Variants in C7orf57 observed in about 807,000 individuals in gnomAD.
C7orf57 encodes chromosome 7 open reading frame 57, also known as uncharacterized protein C7orf57.
A neutral mutation model predicts 39.0 loss-of-function variants in C7orf57; 33 were observed. The ratio of observed to expected loss-of-function variants is 0.85; its 90% CI spans 0.64 to 1.13. The LOEUF is 1.13. Among genes scored for constraint, C7orf57 ranks in the 50% most tolerant of loss-of-function variants. The probability of loss-of-function intolerance (pLI) is 0.00; values close to 1 mark genes in which losing one functional copy is unlikely to be tolerated. For missense variants in C7orf57, 346 were observed against 362.3 expected (o/e 0.95, Z 0.37); for synonymous variants, 124 against 137.1 (o/e 0.90, Z 0.67).
intron 5 of C7orf57, among the ~76,000 whole-genome samples, chr7:48,049,500 T>G (rs1790812310): frequency 6.6e-6 from 1 of 152,176 alleles, no homozygotes; most frequent in African/African-American, 2.4e-5. Flanking sequence ...TATCCATTCG[T>G]TTGTTGGTGG....
At chr7:48,036,183 G>A (rs1790351194) in intron 1 of C7orf57, 25 bp from the exon 2 acceptor site, 1 of 963,316 alleles carries the variant, frequency 1.0e-6, no homozygotes, top group Non-Finnish European at 1.6e-6. Context: ...GACCCAGAGC[G>A]GGCGCGCGGA....
At chr7:48,040,940 TG>T (rs1790529665) in intron 2 of C7orf57, among the ~76,000 whole-genome samples, 1 of 152,228 alleles carries the variant, frequency 6.6e-6, no homozygotes, top group South Asian at 2.1e-4. Context: ...TTAAGTGATT[TG>T]GGATTTTTCA....
Position 48,053,108 on chromosome 7 carries a change from T to C in C7orf57, c.829+185T>C. 8.6e-6 allele frequency: 6 copies of C among 698,436 alleles called. 1 individual carries two copies. The South Asian group carries it at 9.0e-5, about 11-fold the overall frequency. 43.3% of individuals were successfully genotyped at this position (698,436 alleles called of 1,614,324 possible). ...GAGTAATACATGTTTTGCTCTTTCCTCTTTATTCAAATGAATAGCGGAAGT... is the reference window on the plus strand; with the variant it reads ...GAGTAATACATGTTTTGCTCTTTCCCCTTTATTCAAATGAATAGCGGAAGT... On this transcript the variant is annotated intron_variant, in intron 7 of 8. Transcript: ENST00000348904.
intron 3 of C7orf57, among the ~76,000 whole-genome samples, chr7:48,041,987 G>A (rs910893373): frequency 1.3e-5 from 2 of 152,188 alleles, no homozygotes; most frequent in African/African-American, 4.8e-5. Context: ...ATACTGACGA[G>A]GACCAAATTT....
intron 6 of C7orf57, 141 bp downstream of exon 6, chr7:48,050,118 G>T (rs1287955246): frequency 3.1e-6 from 2 of 649,018 alleles, no homozygotes; most frequent in Non-Finnish European, 5.6e-6. Context: ...GGCTGTGCCT[G>T]TCGCCTCCTC....
In C7orf57 at chr7:48,041,518, C is replaced by G. The variant is rs1352141392; in HGVS notation, c.240C>G (p.Pro80=). The change falls in exon 3 of 9, where the codon CCC becomes CCG. Residue 80 remains proline, a splice_region_variant and synonymous_variant. Transcript: ENST00000348904. ...YVKLAKQGGR[P]DLLKHFAPGT... The stretch of plus-strand genomic sequence containing the variant: ...AGCTCGCGAAACAAGGTGGCAGGCC[C>G]GGTGAGCCCCCTCCTGCCCTGTTCA... 1.2e-6 allele frequency: 2 copies of G among 1,600,886 alleles called. No homozygotes were observed. Among genetic ancestry groups the G allele is most frequent in the African/African-American group, 1.3e-5 (1 of 74,892 alleles).
At chr7:48,052,599 G>T in intron 6 of C7orf57, 101 bp from the exon 7 acceptor site, 2 of 933,652 alleles carry the variant, frequency 2.1e-6, no homozygotes, top group Non-Finnish European at 3.4e-6. Flanking sequence ...TAGGTTTAAA[G>T]GGACAGTGAC....
Position 48,035,696 on chromosome 7 carries a change from C to A in C7orf57, c.-102+66C>A. The A allele has an allele frequency of 1.7e-6, 1 of 597,988 alleles. No homozygotes were observed. Among genetic ancestry groups the A allele is most frequent in the Non-Finnish European group, 3.0e-6 (1 of 335,746 alleles). The allele number at this position is 597,988 out of a possible 1,614,324, so 37.0% of individuals were successfully genotyped here. A position where few individuals can be genotyped will look rare whatever the true frequency, so the allele number is the denominator to read the frequency against. On this transcript the variant is annotated intron_variant, in intron 1 of 8. Transcript: ENST00000348904. This position sits in a 1 kb window ranked among gnomAD's most constrained non-coding sequence, Gnocchi z 4.0. ...GTGGTCCCGGGCCTTGTCCACTGTG[C>A]GGAGCTCGCAGTGCGGGCAGTGCGC...
At position 48,058,057 on chromosome 7, in the gene C7orf57, G is replaced by A. The variant is rs147282381; in HGVS notation, c.842-2169G>A. Among the ~76,000 whole-genome samples the A allele has an allele frequency of 8.2e-4, 125 of 152,158 alleles. 1 individual carries two copies. The highest frequency in any genetic ancestry group is 2.8e-3 in the African/African-American group (116 of 41,508). ...CAGGGATAAATTCCACATGATCATG[G>A]TTTATGATCTTTTTAATGTGCTGTT... is the stretch of plus-strand genomic sequence containing the variant. On this transcript the variant is annotated intron_variant, in intron 8 of 8. Coordinates refer to ENST00000348904, the MANE Select transcript of C7orf57 (RefSeq NM_001100159.3).
Position 48,060,342 on chromosome 7 carries a change from A to G in C7orf57, c.*70A>G, listed in dbSNP as rs1319852347. On this transcript the variant is annotated 3_prime_UTR_variant, in exon 9 of 9. Transcript: ENST00000348904. ...TATGACATGACTGTATTATAGCTAT[A>G]TTTCTGAGGCTTTTTTTGTATTTTA... 9.3e-6 allele frequency: 9 copies of G among 963,152 alleles called. No homozygotes were observed. The highest frequency in any genetic ancestry group is 1.4e-5 in the Non-Finnish European group (9 of 657,654). 59.7% of individuals were successfully genotyped at this position (963,152 alleles called of 1,614,324 possible). A position where few individuals can be genotyped will look rare whatever the true frequency, so the allele number is the denominator to read the frequency against.
intron 7 of C7orf57, 49 bp downstream of exon 7, chr7:48,052,972 G>C (rs1247417757): frequency 7.0e-7 from 1 of 1,434,628 alleles, no homozygotes; most frequent in Non-Finnish European, 9.8e-7. Context: ...GGTTAATTGT[G>C]ATGCAGCAGC....
At position 48,054,538 on chromosome 7, in the gene C7orf57, C is replaced by A; in HGVS notation, c.830-57C>A. The stretch of plus-strand genomic sequence containing the variant: ...TTAAATCTTTAAGTAATTATGACTT[C>A]TTTTAATACTTGATCTGTTTCATTA... On this transcript the variant is annotated intron_variant, in intron 7 of 8. Coordinates refer to ENST00000348904, the MANE Select transcript of C7orf57 (RefSeq NM_001100159.3). 1.4e-6 allele frequency: 2 copies of A among 1,398,068 alleles called. 1 individual carries two copies. Among genetic ancestry groups the A allele is most frequent in the East Asian group, 5.2e-5 (2 of 38,558 alleles). The allele number at this position is 1,398,068 out of a possible 1,614,324, so 86.6% of individuals were successfully genotyped here.
intron 2 of C7orf57, among the ~76,000 whole-genome samples, chr7:48,037,065 A>G (rs1790393473): frequency 6.6e-6 from 1 of 152,172 alleles, no homozygotes; most frequent in Admixed American, 6.5e-5. Flanking sequence ...ACATTTGCTC[A>G]GAAGTGAACC....
chr7:48,037,248 C>A (rs1447452489), intron 2 of C7orf57, among the ~76,000 whole-genome samples: 1 of 152,264 alleles, frequency 6.6e-6, no homozygotes, highest in African/African-American at 2.4e-5. Context: ...CTTCTGGGTG[C>A]CTTCTAGTGA....
rs535389278 is a variant in C7orf57 at position 48,051,940 on chromosome 7, CT to C, written c.606-753del. 5.2e-3 allele frequency among the ~76,000 whole-genome samples: 672 copies of C among 129,494 alleles called. 7 individuals carry two copies. Among genetic ancestry groups the C allele is most frequent in the Non-Finnish European group, 8.9e-3 (553 of 62,442 alleles). The allele number at this position is 129,494 out of a possible 152,430, so 85.0% of individuals were successfully genotyped here. Reference sequence around the variant, plus strand: ...TCTTCTCTTTCTTTCTTTCTCTCCTCTTTTTTTCTTTCTTTTTTTTTTCTCT... The same window carrying C: ...TCTTCTCTTTCTTTCTTTCTCTCCTCTTTTTTCTTTCTTTTTTTTTTCTCT... On this transcript the variant is annotated intron_variant, in intron 6 of 8. Coordinates refer to ENST00000348904, the MANE Select transcript of C7orf57 (RefSeq NM_001100159.3).
In C7orf57 at chr7:48,060,560, T is replaced by C; in HGVS notation, c.*288T>C. The stretch of plus-strand genomic sequence containing the variant: ...GTCCCAGTGTCTCAGAACTGATCAC[T>C]TGCTCCTCCTATTGTGTGAACCACT... On this transcript the variant is annotated 3_prime_UTR_variant, in exon 9 of 9. Transcript: ENST00000348904. 4.2e-6 allele frequency: 1 copy of C among 239,170 alleles called. No individual in the cohort carries two copies. Among genetic ancestry groups the C allele is most frequent in the Non-Finnish European group, 8.1e-6 (1 of 123,212 alleles). The allele number at this position is 239,170 out of a possible 1,614,324, so 14.8% of individuals were successfully genotyped here. A position where few individuals can be genotyped will look rare whatever the true frequency, so the allele number is the denominator to read the frequency against.
At chr7:48,043,929 T>C (rs1328088561) in intron 4 of C7orf57, among the ~76,000 whole-genome samples, 2 of 152,032 alleles carry the variant, frequency 1.3e-5, no homozygotes, top group East Asian at 1.9e-4. Context: ...GCTCTCAAGA[T>C]GGTGGCAAGC....
At chr7:48,050,762 TG>T in intron 6 of C7orf57, among the ~76,000 whole-genome samples, 1 of 152,290 alleles carries the variant, frequency 6.6e-6, no homozygotes, top group East Asian at 1.9e-4. Context: ...GAACCCCTCC[TG>T]GGCGCAAGAA....
At position 48,060,351 on chromosome 7, in the gene C7orf57, G is replaced by T; in HGVS notation, c.*79G>T. ...ACTGTATTATAGCTATATTTCTGAG[G>T]CTTTTTTTGTATTTTATTAATATAG... On this transcript the variant is annotated 3_prime_UTR_variant, in exon 9 of 9. Coordinates refer to ENST00000348904, the MANE Select transcript of C7orf57 (RefSeq NM_001100159.3). The T allele has an allele frequency of 1.1e-6, 1 of 897,226 alleles. No homozygotes were observed. Among genetic ancestry groups the T allele is most frequent in the South Asian group, 2.0e-5 (1 of 49,388 alleles). 55.6% of individuals were successfully genotyped at this position (897,226 alleles called of 1,614,324 possible). A position where few individuals can be genotyped will look rare whatever the true frequency, so the allele number is the denominator to read the frequency against.
Sources: gnomAD v4.1 joint callset for allele counts (sites outside exome capture counted in the v4.1 genomes callset) on GRCh38, gnomAD v4.1.1 for gene constraint, Gnocchi (gnomAD v3.1) non-coding constraint, MANE v1.5 for transcripts, NCBI Gene and HGNC (gene_info 2026-07-23, HGNC 2026-07-21) for gene names.